Variants in FAM20C observed in about 807,000 individuals in gnomAD.
The protein encoded by FAM20C is extracellular serine/threonine protein kinase FAM20C.
Under a neutral mutation model 51.5 loss-of-function variants are expected in FAM20C, and 40 were observed. That is an observed-to-expected ratio of 0.78 (90% CI 0.60 to 1.01). The LOEUF (loss-of-function observed/expected upper bound fraction) is 1.01. FAM20C is among the 50% of genes least tolerant of loss of function. The pLI is 0.00. For synonymous variants in FAM20C, 406 were observed against 380.6 expected (o/e 1.07, Z -0.78); for missense variants, 861 against 844.7 (o/e 1.02, Z -0.24).
chr7:255,155 T>C (rs1419421067), intron 5 of FAM20C, among the ~76,000 whole-genome samples: 1 of 152,160 alleles, frequency 6.6e-6, no homozygotes, highest in Admixed American at 6.5e-5. Flanking sequence ...TTTAATCAGT[T>C]GGGGGCTGCA....
In FAM20C at chr7:193,619, G is replaced by T; in HGVS notation, c.420G>T (p.Leu140=). 6.5e-7 allele frequency: 1 copy of T among 1,538,274 alleles called. No homozygotes were observed. Among genetic ancestry groups the T allele is most frequent in the Non-Finnish European group, 8.8e-7 (1 of 1,142,662 alleles). ...RPHDPAHRPL[L]RDPGPRRSES... ...ACGACCCCGCGCACCGGCCGCTGCT[G>T]CGAGACCCCGGCCCGCGTCGGTCCG... Residue 140 remains leucine, a synonymous_variant, in exon 1 of 10, where the codon CTG becomes CTT. Transcript: ENST00000313766.
intron 8 of FAM20C, among the ~76,000 whole-genome samples, chr7:258,193 TAG>T (rs1562401599): frequency 9.8e-6 from 1 of 101,954 alleles, no homozygotes; most frequent in African/African-American, 4.1e-5. Context: ...GTGCTGGAGA[TAG>T]GCAGGGTGGA....
At chr7:235,287 T>G (rs888976975) in intron 3 of FAM20C, among the ~76,000 whole-genome samples, 1 of 151,986 alleles carries the variant, frequency 6.6e-6, no homozygotes, top group African/African-American at 2.4e-5. Context: ...GCCTCCACGG[T>G]CTGGGGTATC....
chr7:195,106 C>T (rs1300995679), intron 1 of FAM20C: 1 of 160,972 alleles, frequency 6.2e-6, no homozygotes, highest in East Asian at 1.8e-4. Context: ...GGGAAGGTTC[C>T]TGACAGACTG....
intron 2 of FAM20C, among the ~76,000 whole-genome samples, chr7:198,816 A>G (rs148429133): frequency 6.6e-6 from 1 of 152,320 alleles, no homozygotes; most frequent in East Asian, 1.9e-4. Context: ...GTACAGCAGC[A>G]GCATTTCAAG....
At chr7:218,827 G>A (rs866967210) in intron 3 of FAM20C, among the ~76,000 whole-genome samples, 4 of 130,082 alleles carry the variant, frequency 3.1e-5, no homozygotes, top group African/African-American at 1.1e-4. Context: ...AGATCACTCC[G>A]GTCCGGCCGG....
At chr7:217,384 G>GTGCTCC (rs1787032620) in intron 3 of FAM20C, among the ~76,000 whole-genome samples, 1 of 151,692 alleles carries the variant, frequency 6.6e-6, no homozygotes, top group Non-Finnish European at 1.5e-5. Flanking sequence ...GGCTGTGGGT[G>GTGCTCC]AGCTCCAGCC....
chr7:209,529 C>T (rs1389908601), intron 3 of FAM20C, among the ~76,000 whole-genome samples: 1 of 151,266 alleles, frequency 6.6e-6, no homozygotes, highest in Non-Finnish European at 1.5e-5. Context: ...GGACAGTGTG[C>T]CCTGATCTGG....
chr7:218,873 T>C (rs28702694), intron 3 of FAM20C, among the ~76,000 whole-genome samples: 98,852 of 118,158 alleles, frequency 0.84, 41,477 homozygotes, highest in South Asian at 0.89. Context: ...AGATCACTCC[T>C]GTCCGGCCGG....
intron 3 of FAM20C, chr7:245,810 C>G (rs1298931651): frequency 6.6e-6 from 1 of 152,338 alleles, no homozygotes; most frequent in African/African-American, 2.4e-5. Context: ...ATAAACAGCC[C>G]CACCTGTGGC....
At chr7:246,628 G>A (rs1335398699) in intron 4 of FAM20C, 121 bp downstream of exon 4, 7 of 637,734 alleles carry the variant, frequency 1.1e-5, no homozygotes, top group African/African-American at 7.6e-5. Context: ...ATCAGGCAGC[G>A]CCGGTGCCTG....
intron 2 of FAM20C, among the ~76,000 whole-genome samples, chr7:208,289 C>T (rs1293391738): frequency 6.6e-6 from 1 of 151,324 alleles, no homozygotes; most frequent in African/African-American, 2.4e-5. Context: ...GTAAGCACAC[C>T]TGGCCGTCCC....
At chr7:253,476 G>GGCTTTCTCCTT (rs1366111534) in intron 5 of FAM20C, among the ~76,000 whole-genome samples, 2 of 152,190 alleles carry the variant, frequency 1.3e-5, no homozygotes, top group African/African-American at 2.4e-5. Flanking sequence ...CCGCTACCCT[G>GGCTTTCTCCTT]GCTTTCTCCT....
chr7:237,614 G>T (rs1787885182), intron 3 of FAM20C, among the ~76,000 whole-genome samples: 1 of 152,062 alleles, frequency 6.6e-6, no homozygotes, highest in African/African-American at 2.4e-5. Flanking sequence ...AATGGTGATG[G>T]TGATGATGAT....
intron 5 of FAM20C, among the ~76,000 whole-genome samples, chr7:253,431 G>A (rs1426993103): frequency 6.6e-6 from 1 of 152,098 alleles, no homozygotes; most frequent in African/African-American, 2.4e-5. Flanking sequence ...CCATTTCCTG[G>A]TGACTGGAGG....
rs909081748 is a variant in FAM20C, at chr7:236,097, C to A, written c.864-10318C>A. 2.1e-4 allele frequency among the ~76,000 whole-genome samples: 32 copies of A among 152,220 alleles called. 1 individual carries two copies. In the East Asian group the frequency reaches 5.8e-3, roughly 28 times the overall value. On this transcript the variant is annotated intron_variant, in intron 3 of 9. Transcript: ENST00000313766. ...GCCAGGTGACCGCTTCGGCCGAGTT[C>A]GTCCCCTTCCGTGCAGAGGGTTCAG... is the stretch of plus-strand genomic sequence containing the variant.
intron 3 of FAM20C, among the ~76,000 whole-genome samples, chr7:211,254 C>A (rs540167158): frequency 6.6e-6 from 1 of 150,490 alleles, no homozygotes; most frequent in African/African-American, 2.4e-5. Flanking sequence ...GGACCTCCCC[C>A]CAGCCTCCTC....
At chr7:259,187 C>T (rs965938026) in intron 9 of FAM20C, among the ~76,000 whole-genome samples, 18 of 151,518 alleles carry the variant, frequency 1.2e-4, no homozygotes, top group African/African-American at 4.1e-4. Flanking sequence ...TGGGGTCGGT[C>T]TCCTGGGTGA....
Position 248,395 on chromosome 7 carries a change from A to C in FAM20C, c.1037A>C (p.Asp346Ala), listed in dbSNP as rs1381240534. ...AAGGAGATCCGGGACGTCACACGGGACAAGAAGCTCTGGAGGACCTTCTTC... is the reference window on the plus strand; with the variant it reads ...AAGGAGATCCGGGACGTCACACGGGCCAAGAAGCTCTGGAGGACCTTCTTC... ...MTKEIRDVTR[D>A]KKLWRTFFIS... The change falls in exon 5 of 10, where the codon GAC becomes GCC. Residue 346 changes from aspartate (D) to alanine (A), a missense_variant. Asp to Ala is a moderately radical substitution (Grantham distance 126). Around this residue, in one of 3 missense-constraint regions of FAM20C, gnomAD observed 31 missense variants for 61.1 expected, o/e 0.51. Coordinates refer to ENST00000313766, the MANE Select transcript of FAM20C (RefSeq NM_020223.4). 6.5e-7 allele frequency: 1 copy of C among 1,537,010 alleles called. No individual in the cohort carries two copies. Among genetic ancestry groups the C allele is most frequent in the Non-Finnish European group, 8.7e-7 (1 of 1,146,864 alleles).
Sources: allele counts gnomAD v4.1 joint callset (sites outside exome capture counted in the v4.1 genomes callset), GRCh38; gene constraint gnomAD v4.1.1; regional missense constraint gnomAD v4.1.1; transcripts MANE v1.5; gene names NCBI Gene and HGNC (gene_info 2026-07-23, HGNC 2026-07-21).